SLC25A21: variants seen among roughly 807,000 people sequenced by gnomAD.
SLC25A21 encodes mitochondrial 2-oxodicarboxylate carrier.
Under a neutral mutation model 43.8 loss-of-function variants are expected in SLC25A21, and 47 were observed. That is an observed-to-expected ratio of 1.07 (90% CI 0.85 to 1.37). The LOEUF (loss-of-function observed/expected upper bound fraction) is 1.37, where lower values mean the gene tolerates loss of function less well. Ranked by LOEUF, SLC25A21 falls within the 40% of genes most tolerant of loss-of-function variation. The probability of loss-of-function intolerance (pLI) is 0.00; values close to 1 mark genes in which losing one functional copy is unlikely to be tolerated. For synonymous variants in SLC25A21, 131 were observed against 121.3 expected (o/e 1.08, Z -0.52); for missense variants, 352 against 350.2 (o/e 1.00, Z -0.04).
At position 37,081,878 on chromosome 14, in the gene SLC25A21, T is replaced by C. The variant is rs1752844053; in HGVS notation, c.70+90403A>G. 2.0e-5 allele frequency among the ~76,000 whole-genome samples: 3 copies of C among 152,212 alleles called. No individual in the cohort carries two copies. The South Asian group carries it at 6.2e-4, about 31-fold the overall frequency. On this transcript the variant is annotated intron_variant, in intron 1 of 9. Coordinates refer to ENST00000331299, the MANE Select transcript of SLC25A21 (RefSeq NM_030631.4). ...ACCACACCAGAATCTCTTCAGTACC[T>C]AAGTTGTCTTAGTAACAAGCTAGGA...
chr14:36,763,587 T>C (rs944429995), intron 3 of SLC25A21, among the ~76,000 whole-genome samples: 2 of 151,924 alleles, frequency 1.3e-5, no homozygotes, highest in African/African-American at 4.8e-5. Flanking sequence ...GGTATTTGGG[T>C]GGTGGTGGTA....
intron 1 of SLC25A21, among the ~76,000 whole-genome samples, chr14:37,065,918 T>C (rs1184901759): frequency 1.3e-5 from 2 of 152,190 alleles, no homozygotes; most frequent in Admixed American, 6.5e-5. Flanking sequence ...TTGAAACGAA[T>C]GGTTTTTACA....
intron 1 of SLC25A21, among the ~76,000 whole-genome samples, chr14:37,120,065 T>A (rs1448596050): frequency 1.3e-5 from 2 of 152,172 alleles, no homozygotes; most frequent in Non-Finnish European, 2.9e-5. Context: ...TATATTAAAA[T>A]TTCACCACAG....
intron 1 of SLC25A21, among the ~76,000 whole-genome samples, chr14:37,065,169 T>C (rs1445288826): frequency 6.6e-6 from 1 of 152,126 alleles, no homozygotes; most frequent in African/African-American, 2.4e-5. Context: ...ATGGATGAGG[T>C]GACACTTGAG....
At chr14:37,146,873 A>G (rs908137943) in intron 1 of SLC25A21, among the ~76,000 whole-genome samples, 1 of 152,198 alleles carries the variant, frequency 6.6e-6, no homozygotes, top group Non-Finnish European at 1.5e-5. Context: ...CAAAACATAA[A>G]AAATGCAGGT....
intron 1 of SLC25A21, among the ~76,000 whole-genome samples, chr14:36,908,570 C>T (rs1891595957): frequency 1.3e-5 from 2 of 152,174 alleles, no homozygotes; most frequent in Non-Finnish European, 2.9e-5. Context: ...TCCATCCTAT[C>T]CAATATGGTA....
intron 7 of SLC25A21, among the ~76,000 whole-genome samples, chr14:36,688,425 A>AG (rs1882645884): frequency 1.3e-5 from 2 of 152,220 alleles, no homozygotes; most frequent in African/African-American, 4.8e-5. Context: ...TGTTTTGCAG[A>AG]GTACACTGTA....
At chr14:36,896,910 T>C (rs376135624) in intron 1 of SLC25A21, among the ~76,000 whole-genome samples, 3 of 152,240 alleles carry the variant, frequency 2.0e-5, no homozygotes, top group African/African-American at 7.2e-5. Flanking sequence ...AGAGATCAGC[T>C]GTTAGTCTGA....
At chr14:36,790,869 G>T (rs1887460756) in intron 3 of SLC25A21, among the ~76,000 whole-genome samples, 1 of 152,146 alleles carries the variant, frequency 6.6e-6, no homozygotes, top group African/African-American at 2.4e-5. Flanking sequence ...AAAAAGGGGA[G>T]TGTGCAGTCA....
chr14:36,946,305 T>G (rs1413887648), intron 1 of SLC25A21, among the ~76,000 whole-genome samples: 1 of 152,156 alleles, frequency 6.6e-6, no homozygotes, highest in East Asian at 1.9e-4. Flanking sequence ...AAGAATTAAG[T>G]CCTCTTGTTT....
intron 1 of SLC25A21, among the ~76,000 whole-genome samples, chr14:36,989,162 T>TC (rs1215115886): frequency 3.3e-5 from 5 of 152,108 alleles, no homozygotes; most frequent in African/African-American, 9.7e-5. Context: ...CCACTTGCTC[T>TC]CCCCCAGGAA....
At chr14:37,045,421 GA>G (rs1484049697) in intron 1 of SLC25A21, among the ~76,000 whole-genome samples, 9 of 152,124 alleles carry the variant, frequency 5.9e-5, no homozygotes, top group African/African-American at 1.9e-4. Context: ...ACAGTTGAAT[GA>G]AAAGACAAAC....
At chr14:36,865,598 G>GA (rs983222633) in intron 2 of SLC25A21, among the ~76,000 whole-genome samples, 2,237 of 141,744 alleles carry the variant, frequency 0.016, 57 homozygotes, top group African/African-American at 0.054. Flanking sequence ...CAACACTTAA[G>GA]AAAAAAAAAA....
At chr14:37,095,833 CACACACACACAA>C (rs1175378356) in intron 1 of SLC25A21, among the ~76,000 whole-genome samples, 4 of 47,494 alleles carry the variant, frequency 8.4e-5, no homozygotes, top group East Asian at 7.7e-4. Context: ...CACACACACA[CACACACACACAA>C]AAAACACCTT....
rs1566482440 is a variant in SLC25A21 at position 36,678,545 on chromosome 14, A to C, written c.*2113T>G. The C allele has an allele frequency of 1.3e-6, 2 of 1,536,548 alleles. No homozygotes were observed. The highest frequency in any genetic ancestry group is 3.9e-5 in the Admixed American group (2 of 50,938). On this transcript the variant is annotated 3_prime_UTR_variant, in exon 10 of 10. Coordinates refer to ENST00000331299, the MANE Select transcript of SLC25A21 (RefSeq NM_030631.4). ...AAGATCCAATCCAATATTTTGGTGG[A>C]GACTTCTTTAAAACCATACCATACA...
intron 2 of SLC25A21, among the ~76,000 whole-genome samples, chr14:36,865,218 C>T (rs1029815410): frequency 2.0e-5 from 3 of 151,950 alleles, no homozygotes; most frequent in Non-Finnish European, 4.4e-5. Context: ...GCTTCACACT[C>T]TCTGCTGGGC....
At position 36,764,199 on chromosome 14, in the gene SLC25A21, A is replaced by AAAGAAAGAAACT. The variant is rs1566588491; in HGVS notation, c.204-29627_204-29626insAGTTTCTTTCTT. On this transcript the variant is annotated intron_variant, in intron 3 of 9. Coordinates refer to ENST00000331299, the MANE Select transcript of SLC25A21 (RefSeq NM_030631.4). ...AAGAAAGAAAGAAAGAAAGAGAAAG[A>AAAGAAAGAAACT]AAGAAACTGTTAGCTTCCCAGGACA... Among the ~76,000 whole-genome samples the AAAGAAAGAAACT allele has an allele frequency of 1.6e-3, 234 of 146,810 alleles. 3 individuals carry two copies. Among genetic ancestry groups the AAAGAAAGAAACT allele is most frequent in the African/African-American group, 5.3e-3 (196 of 37,302 alleles).
At chr14:36,821,881 C>T (rs369532829) in intron 2 of SLC25A21, among the ~76,000 whole-genome samples, 7 of 152,074 alleles carry the variant, frequency 4.6e-5, no homozygotes, top group South Asian at 2.1e-4. Flanking sequence ...ATAATAACTA[C>T]GTAACATTGC....
chr14:37,031,372 T>A (rs145843322), intron 1 of SLC25A21, among the ~76,000 whole-genome samples: 161 of 152,302 alleles, frequency 1.1e-3, no homozygotes, highest in South Asian at 9.1e-3. Flanking sequence ...GCAAAGTAAA[T>A]CTTTACTTCA....
Sources: gnomAD v4.1 joint callset for allele counts (sites outside exome capture counted in the v4.1 genomes callset) on GRCh38, gnomAD v4.1.1 for gene constraint, MANE v1.5 for transcripts, NCBI Gene and HGNC (gene_info 2026-07-23, HGNC 2026-07-21) for gene names.